Variants in PRKCE observed in about 807,000 individuals in gnomAD.
PRKCE encodes protein kinase C epsilon type.
A neutral mutation model predicts 85.4 loss-of-function variants in PRKCE; 16 were observed. That is an observed-to-expected ratio of 0.19 (90% CI 0.13 to 0.28). The LOEUF (loss-of-function observed/expected upper bound fraction) is 0.28. PRKCE is among the 10% of genes least tolerant of loss of function. The pLI, the probability that PRKCE is intolerant of heterozygous loss-of-function variation, is 1.00. For missense variants in PRKCE, 573 were observed against 975.2 expected (o/e 0.59, Z 5.49); for synonymous variants, 388 against 371.5 (o/e 1.04, Z -0.51).
rs1574206346 is a variant in PRKCE at position 46,007,668 on chromosome 2, G to A, written c.1263+7G>A. 6.3e-7 allele frequency: 1 copy of A among 1,599,126 alleles called. No homozygotes were observed. The highest frequency in any genetic ancestry group is 1.3e-5 in the African/African-American group (1 of 75,032). On this transcript the variant is annotated splice_region_variant and intron_variant, in intron 9 of 14. Transcript: ENST00000306156. ...CAAAGGCAGCTTTGGCAAGGTCTGT[G>A]GCACACACGGGTGGAACTGCTGGTT...
chr2:45,652,435 A>T lies in PRKCE; in HGVS notation c.335A>T (p.His112Leu). 1 of 1,608,186 alleles carries T rather than the reference A, an allele frequency of 6.2e-7. No homozygotes were observed. Among genetic ancestry groups the T allele is most frequent in the Non-Finnish European group, 8.5e-7 (1 of 1,178,904 alleles). The change falls in exon 1 of 15, where the codon CAC becomes CTC. Residue 112 changes from histidine (H) to leucine (L), a missense_variant. Transcript: ENST00000306156. The surrounding 1 kb of genome is among the most constrained non-coding windows in gnomAD (Gnocchi z 7.7). The part of the protein sequence containing the change: ...FEELLQNGSR[H>L]FEDWIDLEPE... The stretch of plus-strand genomic sequence containing the variant: ...GAGCTGCTGCAGAACGGGAGCCGCC[A>T]CTTCGAGGACTGGGTGAGTGCGGCG...
intron 2 of PRKCE, among the ~76,000 whole-genome samples, chr2:45,923,436 A>T (rs1383435937): frequency 6.6e-6 from 1 of 152,200 alleles, no homozygotes; most frequent in African/African-American, 2.4e-5. Context: ...TTCTTCCTAC[A>T]AGGAAGAAAT....
Position 46,123,214 on chromosome 2 carries a change from C to CTTTTT in PRKCE, c.1593-21854_1593-21850dup, listed in dbSNP as rs70937991. Among the ~76,000 whole-genome samples the CTTTTT allele has an allele frequency of 5.0e-3, 136 of 27,372 alleles. 43 individuals carry two copies. Among genetic ancestry groups the CTTTTT allele is most frequent in the African/African-American group, 9.0e-3 (71 of 7,904 alleles). 18.0% of individuals were successfully genotyped at this position (27,372 alleles called of 152,430 possible). A position where few individuals can be genotyped will look rare whatever the true frequency, so the allele number is the denominator to read the frequency against. ...AAGCTTTACAAAGGAAAACACTTGCCTTTTTTTTTTTTTTTTTTTTTTTTT... is the reference window on the plus strand; with the variant it reads ...AAGCTTTACAAAGGAAAACACTTGCCTTTTTTTTTTTTTTTTTTTTTTTTTTTTTT... On this transcript the variant is annotated intron_variant, in intron 11 of 14. Transcript: ENST00000306156.
In PRKCE at chr2:46,048,462, T is replaced by C. The variant is rs183810669; in HGVS notation, c.1438-37746T>C. ...CAACAGGGATCCATATGGGGTTCACTGGGCTCAATGTCCCACCAGAGCCCC... is the reference window on the plus strand; with the variant it reads ...CAACAGGGATCCATATGGGGTTCACCGGGCTCAATGTCCCACCAGAGCCCC... On this transcript the variant is annotated intron_variant, in intron 10 of 14. Transcript: ENST00000306156. Among the ~76,000 whole-genome samples, 3 of 152,368 alleles carry C rather than the reference T, an allele frequency of 2.0e-5. No homozygotes were observed. The East Asian group carries it at 5.8e-4, about 29-fold the overall frequency.
At chr2:45,920,413 G>C (rs73926114) in intron 2 of PRKCE, among the ~76,000 whole-genome samples, 2,886 of 152,240 alleles carry the variant, frequency 0.019, 105 homozygotes, top group African/African-American at 0.066. Context: ...CCACTCCTAG[G>C]TATGATCCCA....
intron 14 of PRKCE, among the ~76,000 whole-genome samples, chr2:46,178,014 C>G (rs1679591893): frequency 6.6e-6 from 1 of 152,164 alleles, no homozygotes; most frequent in South Asian, 2.1e-4. Flanking sequence ...GATCCCAGCA[C>G]TTTGGGAGGC....
chr2:45,731,581 T>G (rs189644411), intron 1 of PRKCE, among the ~76,000 whole-genome samples: 1 of 151,456 alleles, frequency 6.6e-6, no homozygotes, highest in East Asian at 1.9e-4. Context: ...TGGGGAAACC[T>G]AAGCCTGAAA....
intron 10 of PRKCE, among the ~76,000 whole-genome samples, chr2:46,033,334 G>C (rs1434834715): frequency 6.6e-6 from 1 of 152,138 alleles, no homozygotes; most frequent in Non-Finnish European, 1.5e-5. Context: ...GGTTTCCTTG[G>C]CATTCATAGC....
chr2:46,119,553 G>A (rs1437360118), intron 11 of PRKCE, among the ~76,000 whole-genome samples: 1 of 152,160 alleles, frequency 6.6e-6, no homozygotes, highest in Non-Finnish European at 1.5e-5. Context: ...TTTCTAGGCT[G>A]AACAGGATAA....
intron 1 of PRKCE, among the ~76,000 whole-genome samples, chr2:45,756,274 G>A (rs1683996181): frequency 6.6e-6 from 1 of 152,160 alleles, no homozygotes; most frequent in South Asian, 2.1e-4. Context: ...CCAGATGATA[G>A]GGCAGAGAGG....
intron 11 of PRKCE, among the ~76,000 whole-genome samples, chr2:46,130,720 T>C (rs2104403194): frequency 6.6e-6 from 1 of 152,342 alleles, no homozygotes; most frequent in Admixed American, 6.5e-5. Flanking sequence ...TTGGTCTGGC[T>C]CATTTGCTGG....
In PRKCE at chr2:46,159,534, TC is replaced by T. The variant is rs1018630628; in HGVS notation, c.1921-70del. 4 of 1,465,698 alleles carry T rather than the reference TC, an allele frequency of 2.7e-6. No homozygotes were observed. The African/African-American group carries it at 5.7e-5, about 21-fold the overall frequency. The allele number at this position is 1,465,698 out of a possible 1,614,324, so 90.8% of individuals were successfully genotyped here. A position where few individuals can be genotyped will look rare whatever the true frequency, so the allele number is the denominator to read the frequency against. On this transcript the variant is annotated intron_variant, in intron 13 of 14. Coordinates refer to ENST00000306156, the MANE Select transcript of PRKCE (RefSeq NM_005400.3). The surrounding 1 kb of genome is among the most constrained non-coding windows in gnomAD (Gnocchi z 4.1). The stretch of plus-strand genomic sequence containing the variant: ...GCTGAAGATGCTGCTTTGGCTGACC[TC>T]CATCTGTCCCTTATAGCCTGTGCTG...
intron 2 of PRKCE, among the ~76,000 whole-genome samples, chr2:45,964,217 T>C (rs1339422179): frequency 6.6e-6 from 1 of 152,206 alleles, no homozygotes; most frequent in Non-Finnish European, 1.5e-5. Context: ...AACCAGCACC[T>C]GGGGACAGGC....
chr2:45,661,277 G>C (rs940586586), intron 1 of PRKCE, among the ~76,000 whole-genome samples: 6 of 151,872 alleles, frequency 4.0e-5, no homozygotes, highest in African/African-American at 1.5e-4. Flanking sequence ...CTGCCTCCCG[G>C]GTTCAAGCGA....
chr2:46,098,587 G>A (rs1452343102), intron 11 of PRKCE, among the ~76,000 whole-genome samples: 1 of 152,154 alleles, frequency 6.6e-6, no homozygotes, highest in African/African-American at 2.4e-5. Context: ...GGGCTAATTT[G>A]AGGTGTTGGG....
chr2:46,122,592 G>A (rs1673417677), intron 11 of PRKCE, among the ~76,000 whole-genome samples: 2 of 152,120 alleles, frequency 1.3e-5, no homozygotes, highest in Admixed American at 6.6e-5. Context: ...CACTGGGCGA[G>A]GTTACATCCC....
chr2:45,937,688 C>G (rs1699568223), intron 2 of PRKCE, among the ~76,000 whole-genome samples: 4 of 151,904 alleles, frequency 2.6e-5, no homozygotes, highest in African/African-American at 9.7e-5. Flanking sequence ...GCACTCCAGC[C>G]TGGGTGACAA....
chr2:46,066,305 A>C (rs1667621672), intron 10 of PRKCE, among the ~76,000 whole-genome samples: 1 of 152,134 alleles, frequency 6.6e-6, no homozygotes, highest in African/African-American at 2.4e-5. Flanking sequence ...CCCCCAAGAA[A>C]ATGTTGAAGT....
intron 2 of PRKCE, among the ~76,000 whole-genome samples, chr2:45,969,396 C>G (rs966253110): frequency 6.6e-6 from 1 of 152,188 alleles, no homozygotes; most frequent in Non-Finnish European, 1.5e-5. Context: ...TTGATGTTGC[C>G]TCAGAGGTCA....
Sources: gnomAD v4.1 joint callset for allele counts (sites outside exome capture counted in the v4.1 genomes callset) on GRCh38, gnomAD v4.1.1 for gene constraint, Gnocchi (gnomAD v3.1) non-coding constraint, MANE v1.5 for transcripts, NCBI Gene and HGNC (gene_info 2026-07-23, HGNC 2026-07-21) for gene names.